Variants in RPRD2 observed in about 807,000 individuals in gnomAD.
RPRD2 encodes the protein regulation of nuclear pre-mRNA domain-containing protein 2.
Under a neutral mutation model 104.4 loss-of-function variants are expected in RPRD2, and 12 were observed. That is an observed-to-expected ratio of 0.11 (90% CI 0.07 to 0.19). The LOEUF is 0.19. Ranked by LOEUF, RPRD2 falls within the 10% of genes least tolerant of loss-of-function variation. The pLI is 1.00. For synonymous variants in RPRD2, 714 were observed against 684.9 expected, an observed-to-expected ratio of 1.04 and a Z score of -0.66; for missense variants, 1,543 against 1,790.1, an observed-to-expected ratio of 0.86 and a Z score of 2.49.
At position 150,457,451 on chromosome 1, in the gene RPRD2, A is replaced by C; in HGVS notation, c.1034A>C (p.Glu345Ala). 6.2e-7 allele frequency: 1 copy of C among 1,613,902 alleles called. No homozygotes were observed. Among genetic ancestry groups the C allele is most frequent in the South Asian group, 1.1e-5 (1 of 91,078 alleles). Residue 345 changes from glutamate (E) to alanine (A), a missense_variant, in exon 8 of 11, where the codon GAA becomes GCA. This residue lies in a region of RPRD2 where 572 missense variants were observed against 787.3 expected (regional missense o/e 0.73). Coordinates refer to ENST00000369068, the MANE Select transcript of RPRD2 (RefSeq NM_015203.5). The stretch of plus-strand genomic sequence containing the variant: ...CCTTTTCAGGGAATGGGAGGTGAGG[A>C]ATCCCAGTCACCAACCATGGAGAGT... ...ESPFQGMGGE[E>A]SQSPTMESEK... is the part of the protein sequence containing the mutation.
rs753137800 is a variant in RPRD2, at chr1:150,471,333, C to T, written c.2385C>T (p.Gly795=). Residue 795 remains glycine, a synonymous_variant, in exon 11 of 11, where the codon GGC becomes GGT. Coordinates refer to ENST00000369068, the MANE Select transcript of RPRD2 (RefSeq NM_015203.5). This position sits in a 1 kb window ranked among gnomAD's most constrained non-coding sequence, Gnocchi z 5.3. ...SVSTYRPFGL[G]SESPYKQPSD... is the part of the protein sequence containing the mutation. ...CTACATATCGACCCTTTGGTCTGGGCAGTGAATCTCCCTATAAGCAGCCTT... is the reference window on the plus strand; with the variant it reads ...CTACATATCGACCCTTTGGTCTGGGTAGTGAATCTCCCTATAAGCAGCCTT... The T allele has an allele frequency of 6.2e-7, 1 of 1,613,636 alleles. No homozygotes were observed. The highest frequency in any genetic ancestry group is 2.2e-5 in the East Asian group (1 of 44,862).
rs1553891696 is a variant in RPRD2, at chr1:150,431,472, G to GTTTTTT, written c.336-9451_336-9450insTTTTTT. On this transcript the variant is annotated intron_variant, in intron 2 of 10. Coordinates refer to ENST00000369068, the MANE Select transcript of RPRD2 (RefSeq NM_015203.5). The stretch of plus-strand genomic sequence containing the variant: ...ATATTATTCAGTCTTAAAAAGGAAG[G>GTTTTTT]ATTTTTTTTTTTTTTTTTTTTTTTT... Among the ~76,000 whole-genome samples, 7 of 65,808 alleles carry GTTTTTT rather than the reference G, an allele frequency of 1.1e-4. No homozygotes were observed. The East Asian group carries it at 5.4e-3, about 51-fold the overall frequency. 43.2% of individuals were successfully genotyped at this position (65,808 alleles called of 152,430 possible).
At chr1:150,440,283 G>A (rs1666327010) in intron 2 of RPRD2, among the ~76,000 whole-genome samples, 1 of 151,838 alleles carries the variant, frequency 6.6e-6, no homozygotes, top group African/African-American at 2.4e-5. Context: ...GGCCAGACTG[G>A]TCTCGAACTC....
At chr1:150,451,393 G>T (rs928317674) in intron 7 of RPRD2, among the ~76,000 whole-genome samples, 1 of 152,094 alleles carries the variant, frequency 6.6e-6, no homozygotes, top group African/African-American at 2.4e-5. Context: ...ATGCACCCCA[G>T]GCCGGGCGCA....
At position 150,457,329 on chromosome 1, in the gene RPRD2, G is replaced by A. The variant is rs906510608; in HGVS notation, c.912G>A (p.Lys304=). ...TFANRVNNLK[K]KLDQLKSTLP... is the part of the protein sequence containing the mutation. The stretch of plus-strand genomic sequence containing the variant: ...CTAACCGAGTAAACAATTTAAAGAA[G>A]AAGTTGGATCAATTGAAGTCAACCC... The change falls in exon 8 of 11, where the codon AAG becomes AAA. Residue 304 remains lysine (K), a synonymous_variant. Transcript: ENST00000369068. 2 of 1,608,678 alleles carry A rather than the reference G, an allele frequency of 1.2e-6. No homozygotes were observed.
At chr1:150,464,763 ATGTT>A (rs1553899582) in intron 10 of RPRD2, 36 bp downstream of exon 10, 3 of 1,520,084 alleles carry the variant, frequency 2.0e-6, no homozygotes, top group Non-Finnish European at 2.7e-6. Context: ...CGAATTGTGA[ATGTT>A]TGTCTCTGGC....
At chr1:150,368,242 G>T (rs1427013679) in intron 1 of RPRD2, among the ~76,000 whole-genome samples, 3 of 128,950 alleles carry the variant, frequency 2.3e-5, no homozygotes, top group African/African-American at 8.8e-5. Context: ...AGTCTTAATA[G>T]ATTTTTTTAA....
rs587625110 is a variant in RPRD2 at position 150,473,142 on chromosome 1, C to G, written c.4194C>G (p.Pro1398=). The G allele has an allele frequency of 1.9e-6, 3 of 1,613,866 alleles. No individual in the cohort carries two copies. The African/African-American group carries it at 4.0e-5, about 22-fold the overall frequency. ...GGGSNSSSGP[P]LGPSHRDTIS... is the part of the protein sequence containing the mutation. ...GCAGCAACAGCAGCAGTGGCCCCCCCTTGGGTCCCTCACACAGAGACACCA... is the reference window on the plus strand; with the variant it reads ...GCAGCAACAGCAGCAGTGGCCCCCCGTTGGGTCCCTCACACAGAGACACCA... The change falls in exon 11 of 11, where the codon CCC becomes CCG. Residue 1398 remains proline, a synonymous_variant. Coordinates refer to ENST00000369068, the MANE Select transcript of RPRD2 (RefSeq NM_015203.5).
intron 7 of RPRD2, among the ~76,000 whole-genome samples, chr1:150,448,737 T>C (rs782767503): frequency 1.3e-5 from 2 of 152,196 alleles, no homozygotes; most frequent in Non-Finnish European, 2.9e-5. Flanking sequence ...TATTCTGAAT[T>C]CCCTTTTCCC....
chr1:150,438,885 A>G (rs1553893759), intron 2 of RPRD2, among the ~76,000 whole-genome samples: 1 of 151,800 alleles, frequency 6.6e-6, no homozygotes, highest in East Asian at 1.9e-4. Context: ...TCCAGGCTGG[A>G]GTGCAATGGC....
chr1:150,472,342 A>G lies in RPRD2; in HGVS notation c.3394A>G (p.Ser1132Gly). The G allele has an allele frequency of 6.2e-7, 1 of 1,613,952 alleles. No homozygotes were observed. The highest frequency in any genetic ancestry group is 8.5e-7 in the Non-Finnish European group (1 of 1,179,882). Residue 1132 changes from serine (S) to glycine (G), a missense_variant, in exon 11 of 11, where the codon AGC becomes GGC. Around this residue, in one of 4 missense-constraint regions of RPRD2, gnomAD observed 880 missense variants for 885.6 expected, o/e 0.99. Coordinates refer to ENST00000369068, the MANE Select transcript of RPRD2 (RefSeq NM_015203.5). ...TTCAAGGGTGGGTTGGTTTGATCTG[A>G]GCACATCAGGTAGCTCTTTTGACAA... ...EASRVGWFDL[S>G]TSGSSFDNGP...
intron 1 of RPRD2, among the ~76,000 whole-genome samples, chr1:150,388,394 G>GTATATATATACATA (rs1560159397): frequency 7.4e-5 from 11 of 148,426 alleles, no homozygotes; most frequent in Admixed American, 6.8e-4. Flanking sequence ...GTATACACAT[G>GTATATATATACATA]TATATACGTG....
At chr1:150,383,938 T>A (rs1439577167) in intron 1 of RPRD2, among the ~76,000 whole-genome samples, 1 of 152,194 alleles carries the variant, frequency 6.6e-6, no homozygotes, top group African/African-American at 2.4e-5. Context: ...AAAATAACAG[T>A]ACAAATTTGT....
chr1:150,462,850 C>T (rs944089137), intron 9 of RPRD2, among the ~76,000 whole-genome samples: 2 of 152,072 alleles, frequency 1.3e-5, no homozygotes, highest in South Asian at 2.1e-4. Flanking sequence ...CCACCGCATC[C>T]GGCCATTTAT....
chr1:150,450,877 C>T (rs1667119900), intron 7 of RPRD2, among the ~76,000 whole-genome samples: 1 of 151,956 alleles, frequency 6.6e-6, no homozygotes, highest in Non-Finnish European at 1.5e-5. Context: ...TCTTAAGGTG[C>T]TGGGATTACA....
intron 1 of RPRD2, among the ~76,000 whole-genome samples, chr1:150,376,601 C>T (rs1465310357): frequency 4.0e-5 from 6 of 151,428 alleles, no homozygotes; most frequent in African/African-American, 1.5e-4. Flanking sequence ...CCCGGGTTCA[C>T]GCCATTCTCT....
At chr1:150,384,639 T>TTTTGTG (rs1475338523) in intron 1 of RPRD2, among the ~76,000 whole-genome samples, 1 of 133,352 alleles carries the variant, frequency 7.5e-6, no homozygotes, top group African/African-American at 2.8e-5. Flanking sequence ...CCTGGCTAAT[T>TTTTGTG]TGTGTGTGTG....
chr1:150,432,739 AGGCTGAGGTGGGAGGATT>A (rs1324469706), intron 2 of RPRD2, among the ~76,000 whole-genome samples: 1 of 151,638 alleles, frequency 6.6e-6, no homozygotes, highest in African/African-American at 2.4e-5. Flanking sequence ...ACAAGTTGGG[AGGCTGAGGTGGGAGGATT>A]GCCTGAGCCA....
intron 1 of RPRD2, among the ~76,000 whole-genome samples, chr1:150,379,829 C>G (rs1553880402): frequency 6.6e-6 from 1 of 152,218 alleles, no homozygotes; most frequent in South Asian, 2.1e-4. Flanking sequence ...AGCCAACGCA[C>G]CCGGCCAGGT....
Sources: allele counts gnomAD v4.1 joint callset (sites outside exome capture counted in the v4.1 genomes callset), GRCh38; gene constraint gnomAD v4.1.1; regional missense constraint gnomAD v4.1.1; non-coding constraint Gnocchi (gnomAD v3.1); transcripts MANE v1.5; gene names NCBI Gene and HGNC (gene_info 2026-07-23, HGNC 2026-07-21).